Variants in MX2 observed in about 807,000 individuals in gnomAD.
MX2 encodes the protein MX dynamin like GTPase 2.
A neutral mutation model predicts 74.0 loss-of-function variants in MX2; 51 were observed. The observed-to-expected ratio is 0.69, with a 90% CI of 0.55 to 0.87. The LOEUF (loss-of-function observed/expected upper bound fraction) is 0.87. Ranked by LOEUF, MX2 falls within the 40% of genes least tolerant of loss-of-function variation. The probability of loss-of-function intolerance (pLI) is 0.00; values close to 1 mark genes in which losing one functional copy is unlikely to be tolerated. For missense variants in MX2, 832 were observed against 908.7 expected, an observed-to-expected ratio of 0.92 and a Z score of 1.09; for synonymous variants, 369 against 339.3, an observed-to-expected ratio of 1.09 and a Z score of -0.96.
At position 41,376,977 on chromosome 21, in the gene MX2, A is replaced by T; in HGVS notation, c.71A>T (p.Lys24Ile). The change falls in exon 2 of 14, where the codon AAA becomes ATA. Residue 24 changes from lysine to isoleucine, a missense_variant. Transcript: ENST00000330714. ...TTTTCTTCTCGAAAATACCTGAAAA[A>T]AGAAATGAATTCCTTCCAGCAACAG... ...SQFSSRKYLKKEMNSFQQQPP... is the reference protein window; with the variant it reads ...SQFSSRKYLKIEMNSFQQQPP... The T allele has an allele frequency of 6.2e-7, 1 of 1,614,140 alleles. No individual in the cohort carries two copies. Among genetic ancestry groups the T allele is most frequent in the Non-Finnish European group, 8.5e-7 (1 of 1,180,044 alleles).
intron 1 of MX2, among the ~76,000 whole-genome samples, chr21:41,373,190 G>A (rs1160822239): frequency 6.6e-6 from 1 of 151,456 alleles, no homozygotes; most frequent in East Asian, 1.9e-4. Flanking sequence ...CACACAGCAG[G>A]CACTCAATGA....
intron 12 of MX2, chr21:41,404,076 G>A: frequency 5.7e-6 from 1 of 175,894 alleles, no homozygotes; most frequent in South Asian, 1.1e-4. Context: ...GTCCTTCCCG[G>A]GCCTTGGTCC....
rs1342006841 is a variant in MX2, at chr21:41,388,073, A to G, written c.733-2492A>G. Among the ~76,000 whole-genome samples, 1 of 152,104 alleles carries G rather than the reference A, an allele frequency of 6.6e-6. No individual in the cohort carries two copies. The highest frequency in any genetic ancestry group is 1.5e-5 in the Non-Finnish European group (1 of 68,010). ...GCTGCTGCTATCCTGAACCTGGGTT[A>G]CCGCCTCTGCTGGCCTCCTGCTGGG... On this transcript the variant is annotated intron_variant, in intron 5 of 13. Coordinates refer to ENST00000330714, the MANE Select transcript of MX2 (RefSeq NM_002463.2). This position sits in a 1 kb window ranked among gnomAD's most constrained non-coding sequence, Gnocchi z 4.0.
intron 7 of MX2, among the ~76,000 whole-genome samples, chr21:41,397,077 G>A (rs1043548596): frequency 2.0e-5 from 3 of 152,160 alleles, no homozygotes; most frequent in African/African-American, 7.2e-5. Flanking sequence ...GCAGTGCTGG[G>A]GAATAATCCT....
At position 41,402,018 on chromosome 21, in the gene MX2, G is replaced by A. The variant is rs143535963; in HGVS notation, c.1463G>A (p.Arg488Gln). 2.1e-5 allele frequency: 34 copies of A among 1,613,914 alleles called. No homozygotes were observed. The African/African-American group carries it at 2.1e-4, about 10-fold the overall frequency. Reference protein sequence around the residue: ...EEVEKYEKQYRGKELLGFVNY... With the variant: ...EEVEKYEKQYQGKELLGFVNY... The stretch of plus-strand genomic sequence containing the variant: ...GTTGAAAAATATGAAAAGCAGTATC[G>A]AGGCAAGGAGCTTCTGGGATTTGTC... Residue 488 changes from arginine to glutamine, a missense_variant, in exon 11 of 14, where the codon CGA (arginine) becomes CAA (glutamine). Transcript: ENST00000330714. The surrounding 1 kb of genome is among the most constrained non-coding windows in gnomAD (Gnocchi z 4.5).
rs1023364718 is a variant in MX2 at position 41,398,820 on chromosome 21, T to G, written c.1150-77T>G. ...GATCTTCCTGGATGCTTTAAAGGGCTCCTACTCATATACCAAAGAAATCAG... is the reference window on the plus strand; with the variant it reads ...GATCTTCCTGGATGCTTTAAAGGGCGCCTACTCATATACCAAAGAAATCAG... On this transcript the variant is annotated intron_variant, in intron 8 of 13. Transcript: ENST00000330714. 1.9e-6 allele frequency: 3 copies of G among 1,558,966 alleles called. No individual in the cohort carries two copies. In the African/African-American group the frequency reaches 4.1e-5, roughly 21 times the overall value.
At chr21:41,376,609 G>A (rs1282994657) in intron 1 of MX2, among the ~76,000 whole-genome samples, 1 of 152,114 alleles carries the variant, frequency 6.6e-6, no homozygotes, top group Non-Finnish European at 1.5e-5. Flanking sequence ...GGAATGTGGA[G>A]TCCACTGCCC....
rs1225461590 is a variant in MX2 at position 41,388,502 on chromosome 21, C to G, written c.733-2063C>G. 6.6e-6 allele frequency among the ~76,000 whole-genome samples: 1 copy of G among 152,172 alleles called. No individual in the cohort carries two copies. On this transcript the variant is annotated intron_variant, in intron 5 of 13. Coordinates refer to ENST00000330714, the MANE Select transcript of MX2 (RefSeq NM_002463.2). The surrounding 1 kb of genome is among the most constrained non-coding windows in gnomAD (Gnocchi z 4.0). ...GGGCTGCCTTGCCTGACATACTGTT[C>G]CCCGTGCCTGGCTCTTTCAATTCCA...
chr21:41,394,242 A>G (rs1317341437), intron 6 of MX2, among the ~76,000 whole-genome samples: 3 of 150,950 alleles, frequency 2.0e-5, no homozygotes, highest in Non-Finnish European at 4.4e-5. Flanking sequence ...GCAGAGCCCC[A>G]GGTGACCTGG....
intron 5 of MX2, 59 bp from the exon 6 acceptor site, chr21:41,390,506 C>T: frequency 1.2e-6 from 2 of 1,606,778 alleles, no homozygotes; most frequent in Non-Finnish European, 1.7e-6. Context: ...CCTGGCCGTG[C>T]TGCTGAGTGA....
chr21:41,371,476 G>T (rs905010151), intron 1 of MX2, among the ~76,000 whole-genome samples: 1 of 152,180 alleles, frequency 6.6e-6, no homozygotes, highest in African/African-American at 2.4e-5. Context: ...CAGGCTGGAG[G>T]TCAGAAAAGT....
chr21:41,362,209 G>A (rs556467842), intron 1 of MX2, among the ~76,000 whole-genome samples, 154 bp downstream of exon 1: 1 of 152,214 alleles, frequency 6.6e-6, no homozygotes, highest in South Asian at 2.1e-4. Flanking sequence ...CTGGTGTGAG[G>A]AGCAGAAAGG....
chr21:41,405,615 T>C (rs906954983), intron 12 of MX2, among the ~76,000 whole-genome samples: 5 of 151,892 alleles, frequency 3.3e-5, no homozygotes, highest in African/African-American at 1.2e-4. Flanking sequence ...TTTCAACATG[T>C]AAATTGGGGG....
At chr21:41,393,687 C>T (rs2089694798) in intron 6 of MX2, among the ~76,000 whole-genome samples, 1 of 150,726 alleles carries the variant, frequency 6.6e-6, no homozygotes, top group Non-Finnish European at 1.5e-5. Flanking sequence ...TCTTATCCGG[C>T]TGTGGTTTGT....
At chr21:41,392,016 C>T (rs887641073) in intron 6 of MX2, among the ~76,000 whole-genome samples, 17 of 152,108 alleles carry the variant, frequency 1.1e-4, no homozygotes, top group African/African-American at 3.9e-4. Context: ...GTCTGTTATT[C>T]CCCTCTACGT....
At position 41,380,229 on chromosome 21, in the gene MX2, G is replaced by A. The variant is rs79107255; in HGVS notation, c.577+78G>A. On this transcript the variant is annotated intron_variant, in intron 4 of 13. Transcript: ENST00000330714. This position sits in a 1 kb window ranked among gnomAD's most constrained non-coding sequence, Gnocchi z 4.3. Reference sequence around the variant, plus strand: ...CTCGGTTCCTTCTCCTCTTCCTCAAGTCACCCCCACAGTGACCACTCAGCT... The same window carrying A: ...CTCGGTTCCTTCTCCTCTTCCTCAAATCACCCCCACAGTGACCACTCAGCT... 3,268 of 1,589,694 alleles carry A rather than the reference G, an allele frequency of 2.1e-3. 66 individuals carry two copies. The African/African-American group carries it at 0.038, about 18-fold the overall frequency.
At chr21:41,375,875 G>A (rs1054643699) in intron 1 of MX2, among the ~76,000 whole-genome samples, 3 of 152,186 alleles carry the variant, frequency 2.0e-5, no homozygotes, top group African/African-American at 7.2e-5. Flanking sequence ...AGTGTGGGGG[G>A]CTCCTGCCCG....
intron 1 of MX2, among the ~76,000 whole-genome samples, chr21:41,374,709 G>A (rs2089376703): frequency 6.6e-6 from 1 of 151,916 alleles, no homozygotes; most frequent in African/African-American, 2.4e-5. Flanking sequence ...GGTTGCTCGA[G>A]GGAGAAACTC....
Position 41,363,684 on chromosome 21 carries a change from T to C in MX2, c.-72+1629T>C, listed in dbSNP as rs375773381. 4 of 154,932 alleles carry C rather than the reference T, an allele frequency of 2.6e-5. No individual in the cohort carries two copies. Among genetic ancestry groups the C allele is most frequent in the Admixed American group, 1.3e-4 (2 of 15,300 alleles). 9.6% of individuals were successfully genotyped at this position (154,932 alleles called of 1,614,324 possible). On this transcript the variant is annotated intron_variant, in intron 1 of 13. Transcript: ENST00000330714. The surrounding 1 kb of genome is among the most constrained non-coding windows in gnomAD (Gnocchi z 4.2). ...AGGGACACAGCAGAGTGGCCCCTGG[T>C]GCCCAGGACCCGGCAGAGCTCTCGG...
Sources: allele counts gnomAD v4.1 joint callset (sites outside exome capture counted in the v4.1 genomes callset), GRCh38; gene constraint gnomAD v4.1.1; non-coding constraint Gnocchi (gnomAD v3.1); transcripts MANE v1.5; gene names NCBI Gene and HGNC (gene_info 2026-07-23, HGNC 2026-07-21).